The following OPCML variants were observed in gnomAD, a reference collection of about 807,000 sequenced individuals.
OPCML encodes opioid binding protein/cell adhesion molecule like, also known as opioid-binding protein/cell adhesion molecule.
A neutral mutation model predicts 37.8 loss-of-function variants in OPCML; 13 were observed. The observed-to-expected ratio is 0.34, with a 90% CI of 0.22 to 0.55. The LOEUF is 0.55. OPCML is among the 20% of genes least tolerant of loss of function. OPCML has a pLI of 0.91. For missense variants in OPCML, 341 were observed against 435.6 expected, an observed-to-expected ratio of 0.78 and a Z score of 1.93; for synonymous variants, 176 against 168.8, an observed-to-expected ratio of 1.04 and a Z score of -0.33.
At chr11:132,588,552 G>T (rs1053568745) in intron 3 of OPCML, among the ~76,000 whole-genome samples, 4 of 152,174 alleles carry the variant, frequency 2.6e-5, no homozygotes, top group African/African-American at 9.7e-5. Flanking sequence ...TAAGAAGCAA[G>T]CAGATGTGAG....
At chr11:133,319,203 T>C (rs1943273603) in intron 1 of OPCML, among the ~76,000 whole-genome samples, 2 of 152,228 alleles carry the variant, frequency 1.3e-5, no homozygotes, top group Non-Finnish European at 2.9e-5. Flanking sequence ...TTGGTGTCTT[T>C]TAAAAAATAT....
rs1019164154 is a variant in OPCML, at chr11:132,437,329, T to C, written c.536A>G (p.Tyr179Cys). The C allele has an allele frequency of 8.7e-6, 14 of 1,614,080 alleles. No homozygotes were observed. Among genetic ancestry groups the C allele is most frequent in the Non-Finnish European group, 1.2e-5 (14 of 1,180,042 alleles). Reference sequence around the variant, plus strand: ...TCGCTTGATGTCAGAGATCTCCAGGTACTCATCCTCACTTACAAAGCCCTG... The same window carrying C: ...TCGCTTGATGTCAGAGATCTCCAGGCACTCATCCTCACTTACAAAGCCCTG... ...EGQGFVSEDE[Y>C]LEISDIKRDQ... The change falls in exon 5 of 8, where the codon TAC (tyrosine) becomes TGC (cysteine). Residue 179 changes from tyrosine to cysteine, a missense_variant. Tyr to Cys is a radical substitution (Grantham distance 194, BLOSUM62 -2). Transcript: ENST00000524381.
chr11:132,553,937 C>A (rs1443129863), intron 3 of OPCML, among the ~76,000 whole-genome samples: 3 of 152,142 alleles, frequency 2.0e-5, no homozygotes, highest in Non-Finnish European at 4.4e-5. Flanking sequence ...GAGCCAAAGC[C>A]TCCTTCCCTT....
intron 2 of OPCML, among the ~76,000 whole-genome samples, chr11:132,676,613 T>G (rs1029079421): frequency 1.3e-5 from 2 of 151,556 alleles, no homozygotes; most frequent in African/African-American, 4.8e-5. Flanking sequence ...GACAACCCAA[T>G]TTAAAACAAA....
intron 3 of OPCML, among the ~76,000 whole-genome samples, chr11:132,629,477 G>T (rs1939960189): frequency 6.6e-6 from 1 of 152,062 alleles, no homozygotes; most frequent in Non-Finnish European, 1.5e-5. Context: ...TCTTCAGTGA[G>T]GTTTTATCTG....
chr11:133,213,027 A>G (rs1272345354), intron 1 of OPCML, among the ~76,000 whole-genome samples: 1 of 152,198 alleles, frequency 6.6e-6, no homozygotes, highest in Non-Finnish European at 1.5e-5. Flanking sequence ...TTGAAAGTGT[A>G]GAAAGTTGTT....
chr11:133,184,332 G>A (rs1035837800), intron 1 of OPCML, among the ~76,000 whole-genome samples: 4 of 152,216 alleles, frequency 2.6e-5, no homozygotes, highest in African/African-American at 9.6e-5. Flanking sequence ...AAGAGGAGGA[G>A]TTTACTTTTT....
At position 133,089,383 on chromosome 11, in the gene OPCML, T is replaced by C. The variant is rs118081363; in HGVS notation, c.62-146373A>G. On this transcript the variant is annotated intron_variant, in intron 1 of 7. Coordinates refer to ENST00000524381, the MANE Select transcript of OPCML (RefSeq NM_001012393.5). ...CTTACCTAGATAAATGTTATTTTTGTAAGTAAAATTACAAGTATTTATTCT... is the reference window on the plus strand; with the variant it reads ...CTTACCTAGATAAATGTTATTTTTGCAAGTAAAATTACAAGTATTTATTCT... Among the ~76,000 whole-genome samples the C allele has an allele frequency of 3.9e-3, 597 of 152,370 alleles. 3 individuals carry two copies. The highest frequency in any genetic ancestry group is 7.0e-3 in the Non-Finnish European group (475 of 68,032).
rs1349347588 is a variant in OPCML at position 133,140,976 on chromosome 11, AGAAGAAGAAGAAGAAGAAGAAGACGAC to A, written c.62-197993_62-197967del. ...AAGAAGAAGAAGAAGAAGAAGAAGA[AGAAGAAGAAGAAGAAGAAGAAGACGAC>A]GACGACGACGACGACGACGACGACG... On this transcript the variant is annotated intron_variant, in intron 1 of 7. Transcript: ENST00000524381. Among the ~76,000 whole-genome samples the A allele has an allele frequency of 1.1e-3, 4 of 3,638 alleles. 2 individuals are homozygous for A. Among genetic ancestry groups the A allele is most frequent in the African/African-American group, 1.8e-3 (4 of 2,218 alleles). The allele number at this position is 3,638 out of a possible 152,430, so 2.4% of individuals were successfully genotyped here.
At chr11:132,644,260 T>C (rs912344998) in intron 3 of OPCML, among the ~76,000 whole-genome samples, 7 of 152,210 alleles carry the variant, frequency 4.6e-5, no homozygotes, top group African/African-American at 1.7e-4. Context: ...ACCACCACGA[T>C]TTAGGTGACA....
chr11:132,557,816 TG>T (rs1162478837), intron 3 of OPCML, among the ~76,000 whole-genome samples: 1 of 88,796 alleles, frequency 1.1e-5, no homozygotes, highest in East Asian at 3.4e-4. Context: ...ATAGCAGGGG[TG>T]GATGGGCACC....
chr11:133,048,154 T>C (rs1047845686), intron 1 of OPCML, among the ~76,000 whole-genome samples: 2 of 152,114 alleles, frequency 1.3e-5, no homozygotes, highest in South Asian at 2.1e-4. Context: ...TACTAATACT[T>C]ACAAAAAACT....
chr11:133,213,765 G>A (rs1290935377), intron 1 of OPCML, among the ~76,000 whole-genome samples: 2 of 152,132 alleles, frequency 1.3e-5, no homozygotes, highest in Non-Finnish European at 2.9e-5. Context: ...GTTTAGACAT[G>A]TTTAATGTTT....
intron 3 of OPCML, among the ~76,000 whole-genome samples, chr11:132,584,560 T>G (rs1055356461): frequency 6.6e-6 from 1 of 152,220 alleles, no homozygotes; most frequent in South Asian, 2.1e-4. Context: ...CAGAACTAGC[T>G]AGTTAACTGG....
In OPCML at chr11:132,437,265, A is replaced by G. The variant is rs1409453338; in HGVS notation, c.600T>C (p.Asp200=). The change falls in exon 5 of 8, where the codon GAT becomes GAC. Residue 200 remains aspartate, a synonymous_variant. Coordinates refer to ENST00000524381, the MANE Select transcript of OPCML (RefSeq NM_001012393.5). Reference sequence around the variant, plus strand: ...CTTTCCGCACATCGGGCGCAGCGACATCGTTCAACGCGCTGCATTCGTACT... The same window carrying G: ...CTTTCCGCACATCGGGCGCAGCGACGTCGTTCAACGCGCTGCATTCGTACT... ...SGEYECSALN[D]VAAPDVRKVK... 5 of 1,614,072 alleles carry G rather than the reference A, an allele frequency of 3.1e-6. No individual in the cohort carries two copies. The African/African-American group carries it at 4.0e-5, about 13-fold the overall frequency.
At chr11:132,627,627 A>G (rs1939828182) in intron 3 of OPCML, among the ~76,000 whole-genome samples, 1 of 152,190 alleles carries the variant, frequency 6.6e-6, no homozygotes, top group African/African-American at 2.4e-5. Context: ...TAATGAGCTG[A>G]GTTTCAGATG....
At chr11:132,654,676 CTCCCCAAAGGAATGTCA>C (rs1476320427) in intron 3 of OPCML, among the ~76,000 whole-genome samples, 1 of 151,718 alleles carries the variant, frequency 6.6e-6, no homozygotes, top group Admixed American at 6.6e-5. Context: ...AGAGAATGTC[CTCCCCAAAGGAATGTCA>C]TCCCCAAAAG....
In OPCML at chr11:133,153,552, C is replaced by T. The variant is rs1041938578; in HGVS notation, c.62-210542G>A. ...GCACCCGGGCCTGCTCACTCGAGAG[C>T]TGGCCTTTCTGACACTAGCCAACCT... On this transcript the variant is annotated intron_variant, in intron 1 of 7. Coordinates refer to ENST00000524381, the MANE Select transcript of OPCML (RefSeq NM_001012393.5). Among the ~76,000 whole-genome samples the T allele has an allele frequency of 2.0e-5, 3 of 152,182 alleles. No individual in the cohort carries two copies. In the East Asian group the frequency reaches 5.8e-4, roughly 29 times the overall value.
chr11:132,901,193 A>AAATAAATAATAAAT (rs1160947587), intron 2 of OPCML, among the ~76,000 whole-genome samples: 1 of 152,024 alleles, frequency 6.6e-6, no homozygotes, highest in Non-Finnish European at 1.5e-5. Flanking sequence ...AAAAATAAAT[A>AAATAAATAATAAAT]AATAAATAAT....
Sources: allele counts gnomAD v4.1 joint callset (sites outside exome capture counted in the v4.1 genomes callset), GRCh38; gene constraint gnomAD v4.1.1; transcripts MANE v1.5; gene names NCBI Gene and HGNC (gene_info 2026-07-23, HGNC 2026-07-21).